Variants in PARD3 observed in about 807,000 individuals in gnomAD.
PARD3 encodes the protein par-3 family cell polarity regulator, also known as partitioning defective 3 homolog.
A neutral mutation model predicts 155.4 loss-of-function variants in PARD3; 75 were observed. The observed-to-expected ratio is 0.48, with a 90% CI of 0.40 to 0.58. The LOEUF (loss-of-function observed/expected upper bound fraction) is 0.58. PARD3 is among the 20% of genes least tolerant of loss of function. The pLI, the probability that PARD3 is intolerant of heterozygous loss-of-function variation, is 0.00. For missense variants in PARD3, 1,642 were observed against 1,721.7 expected, an observed-to-expected ratio of 0.95 and a Z score of 0.82; for synonymous variants, 576 against 610.5, an observed-to-expected ratio of 0.94 and a Z score of 0.83.
intron 10 of PARD3, among the ~76,000 whole-genome samples, chr10:34,375,295 A>C (rs570270562): frequency 6.6e-6 from 1 of 152,278 alleles, no homozygotes; most frequent in South Asian, 2.1e-4. Context: ...CCAAGCAATA[A>C]ATATTTCAAA....
intron 22 of PARD3, among the ~76,000 whole-genome samples, chr10:34,216,207 T>G (rs552735226): frequency 4.7e-4 from 71 of 152,288 alleles, no homozygotes; most frequent in African/African-American, 1.5e-3. Flanking sequence ...ATGCAAATAT[T>G]TAGGAAACAT....
At chr10:34,344,069 C>T (rs1056556110) in intron 15 of PARD3, 4 of 950,720 alleles carry the variant, frequency 4.2e-6, no homozygotes, top group Non-Finnish European at 5.0e-6. Context: ...TATGAATATA[C>T]AAACTACTGA....
intron 14 of PARD3, among the ~76,000 whole-genome samples, chr10:34,354,158 A>G (rs918431654): frequency 2.0e-5 from 3 of 151,064 alleles, no homozygotes; most frequent in African/African-American, 7.3e-5. Flanking sequence ...AAAAAACGCC[A>G]GATGGTAGCA....
At position 34,111,108 on chromosome 10, in the gene PARD3, A is replaced by G; in HGVS notation, c.*61T>C. The G allele has an allele frequency of 6.7e-7, 1 of 1,499,960 alleles. No homozygotes were observed. Among genetic ancestry groups the G allele is most frequent in the South Asian group, 1.4e-5 (1 of 71,490 alleles). 92.9% of individuals were successfully genotyped at this position (1,499,960 alleles called of 1,614,324 possible). A position where few individuals can be genotyped will look rare whatever the true frequency, so the allele number is the denominator to read the frequency against. ...GAGGTTTTAAAAAAACTCCCAAAAT[A>G]CAAGTCTTCATAGGAAAATGTCTTT... On this transcript the variant is annotated 3_prime_UTR_variant, in exon 25 of 25. Coordinates refer to ENST00000374788, the MANE Select transcript of PARD3 (RefSeq NM_001184785.2).
intron 3 of PARD3, among the ~76,000 whole-genome samples, chr10:34,486,951 A>G (rs1325382273): frequency 2.0e-5 from 3 of 152,044 alleles, no homozygotes; most frequent in Non-Finnish European, 4.4e-5. Flanking sequence ...AGCTTGATTT[A>G]TTCTCTCTCT....
intron 2 of PARD3, among the ~76,000 whole-genome samples, chr10:34,538,549 G>A (rs1048226905): frequency 6.6e-6 from 1 of 152,204 alleles, no homozygotes; most frequent in African/African-American, 2.4e-5. Context: ...TCCACTGCTG[G>A]GATGTTTATT....
At chr10:34,408,634 C>T (rs909567994) in intron 5 of PARD3, among the ~76,000 whole-genome samples, 3 of 152,078 alleles carry the variant, frequency 2.0e-5, no homozygotes, top group Non-Finnish European at 2.9e-5. Flanking sequence ...AGTAATTTCC[C>T]ATCATATATG....
At chr10:34,595,016 T>G (rs189906101) in intron 2 of PARD3, among the ~76,000 whole-genome samples, 2 of 152,250 alleles carry the variant, frequency 1.3e-5, no homozygotes, top group African/African-American at 4.8e-5. Context: ...TCAGCTACAG[T>G]AGACATGTAG....
chr10:34,294,930 T>C (rs530175950), intron 20 of PARD3, among the ~76,000 whole-genome samples: 1 of 152,254 alleles, frequency 6.6e-6, no homozygotes, highest in East Asian at 1.9e-4. Flanking sequence ...AAGCTGGGCA[T>C]GGTAGATCAC....
chr10:34,592,805 TC>T (rs2088842738), intron 2 of PARD3, among the ~76,000 whole-genome samples: 1 of 152,082 alleles, frequency 6.6e-6, no homozygotes, highest in South Asian at 2.1e-4. Context: ...CATGCATATT[TC>T]ACAGAGAAGA....
At chr10:34,457,714 T>C (rs7903841) in intron 4 of PARD3, among the ~76,000 whole-genome samples, 67,906 of 151,786 alleles carry the variant, frequency 0.45, 17,654 homozygotes, top group African/African-American at 0.72. Flanking sequence ...GATCCTCCCA[T>C]CTCAGACTCC....
chr10:34,803,036 GC>G (rs1446735003), intron 1 of PARD3, among the ~76,000 whole-genome samples: 2 of 142,744 alleles, frequency 1.4e-5, no homozygotes, highest in African/African-American at 5.4e-5. Flanking sequence ...GACCAGCCTG[GC>G]CAACAAGATG....
intron 7 of PARD3, among the ~76,000 whole-genome samples, chr10:34,396,337 CA>C (rs908942082): frequency 6.6e-6 from 1 of 151,262 alleles, no homozygotes; most frequent in African/African-American, 2.4e-5. Flanking sequence ...GACTCCATCT[CA>C]AAAAAAACCA....
intron 2 of PARD3, among the ~76,000 whole-genome samples, chr10:34,609,311 T>C (rs2090705369): frequency 6.6e-6 from 1 of 152,154 alleles, no homozygotes; most frequent in Non-Finnish European, 1.5e-5. Flanking sequence ...CAGGCCAAAA[T>C]TATCACCAGT....
chr10:34,699,461 T>G (rs1050662862), intron 1 of PARD3, among the ~76,000 whole-genome samples: 1 of 152,224 alleles, frequency 6.6e-6, no homozygotes, highest in Admixed American at 6.5e-5. Flanking sequence ...CTTGGGAAAT[T>G]TTAACTGGCA....
intron 20 of PARD3, among the ~76,000 whole-genome samples, chr10:34,286,779 A>G (rs1956416271): frequency 6.6e-6 from 1 of 152,206 alleles, no homozygotes; most frequent in African/African-American, 2.4e-5. Flanking sequence ...ATGACCCTGG[A>G]TGCATGTGAA....
intron 1 of PARD3, among the ~76,000 whole-genome samples, chr10:34,754,445 T>C (rs1039624750): frequency 8.5e-5 from 13 of 152,244 alleles, no homozygotes; most frequent in Non-Finnish European, 1.2e-4. Flanking sequence ...TGTCCTGTAC[T>C]TTCCCAAATA....
chr10:34,547,757 C>A (rs1353798242), intron 2 of PARD3, among the ~76,000 whole-genome samples: 1 of 151,948 alleles, frequency 6.6e-6, no homozygotes, highest in East Asian at 1.9e-4. Flanking sequence ...ATGCACTGCA[C>A]AGATGGAAAA....
chr10:34,320,119 G>A (rs565211444), intron 19 of PARD3, among the ~76,000 whole-genome samples: 1 of 152,292 alleles, frequency 6.6e-6, no homozygotes, highest in South Asian at 2.1e-4. Flanking sequence ...ATAAATGGCT[G>A]CATAAATGAA....
Sources: allele counts gnomAD v4.1 joint callset (sites outside exome capture counted in the v4.1 genomes callset), GRCh38; gene constraint gnomAD v4.1.1; transcripts MANE v1.5; gene names NCBI Gene and HGNC (gene_info 2026-07-23, HGNC 2026-07-21).